Variants in PDE1C observed in about 807,000 individuals in gnomAD.
PDE1C encodes dual specificity calcium/calmodulin-dependent 3',5'-cyclic nucleotide phosphodiesterase 1C.
In PDE1C, 62 loss-of-function variants were observed where a neutral mutation model predicts 93.1. That is an observed-to-expected ratio of 0.67 (90% CI 0.54 to 0.82). PDE1C has a LOEUF of 0.82. Ranked by LOEUF, PDE1C falls within the 40% of genes least tolerant of loss-of-function variation. The pLI, the probability that PDE1C is intolerant of heterozygous loss-of-function variation, is 0.00. For missense variants in PDE1C, 742 were observed against 884.6 expected, an observed-to-expected ratio of 0.84 and a Z score of 2.04; for synonymous variants, 325 against 310.1, an observed-to-expected ratio of 1.05 and a Z score of -0.50.
intron 3 of PDE1C, among the ~76,000 whole-genome samples, chr7:32,161,999 G>A (rs1382608607): frequency 1.3e-5 from 2 of 152,182 alleles, no homozygotes; most frequent in East Asian, 1.9e-4. Flanking sequence ...GGGGGAGTCA[G>A]CCCTAGAGAC....
intron 16 of PDE1C, among the ~76,000 whole-genome samples, chr7:31,800,048 G>A (rs1467422489): frequency 6.6e-6 from 1 of 151,530 alleles, no homozygotes; most frequent in East Asian, 1.9e-4. Flanking sequence ...ATCTTTTAAT[G>A]TGCTTATTTG....
chr7:32,298,002 C>T (rs1562660212), intron 1 of PDE1C, among the ~76,000 whole-genome samples: 1 of 40,340 alleles, frequency 2.5e-5, no homozygotes, highest in Non-Finnish European at 4.5e-5. Context: ...TCTCTCCTCT[C>T]TCTCTCTCTC....
chr7:32,069,259 T>C (rs146965266), intron 1 of PDE1C, among the ~76,000 whole-genome samples: 95 of 152,372 alleles, frequency 6.2e-4, no homozygotes, highest in African/African-American at 2.1e-3. Context: ...TTTTTATTTG[T>C]CTTTTGTTTG....
intron 3 of PDE1C, among the ~76,000 whole-genome samples, chr7:32,146,152 C>T (rs548262580): frequency 1.2e-4 from 18 of 152,126 alleles, no homozygotes; most frequent in Non-Finnish European, 1.8e-4. Context: ...GACACCAGTG[C>T]CCTGTCATGG....
chr7:32,078,927 C>CAG (rs1796504336), intron 3 of PDE1C, among the ~76,000 whole-genome samples: 1 of 129,408 alleles, frequency 7.7e-6, no homozygotes, highest in African/African-American at 2.9e-5. Flanking sequence ...CTCACTCTCT[C>CAG]AAAAAAAAAA....
chr7:31,852,566 A>G (rs1463405398), intron 7 of PDE1C, among the ~76,000 whole-genome samples: 2 of 152,136 alleles, frequency 1.3e-5, no homozygotes, highest in Admixed American at 6.5e-5. Flanking sequence ...GTGCTTTTAT[A>G]TAGAAACTTA....
chr7:32,178,452 G>C (rs1260238881), intron 2 of PDE1C, among the ~76,000 whole-genome samples: 1 of 152,228 alleles, frequency 6.6e-6, no homozygotes, highest in Non-Finnish European at 1.5e-5. Flanking sequence ...ATTTTAAGCT[G>C]ATGTTGAAAG....
intron 3 of PDE1C, among the ~76,000 whole-genome samples, chr7:32,144,410 A>G (rs1425178722): frequency 6.6e-6 from 1 of 152,136 alleles, no homozygotes; most frequent in Non-Finnish European, 1.5e-5. Flanking sequence ...AAAACCACAG[A>G]TAGGTTTTGA....
At chr7:32,261,116 A>G (rs1185240257) in intron 1 of PDE1C, among the ~76,000 whole-genome samples, 2 of 152,158 alleles carry the variant, frequency 1.3e-5, no homozygotes, top group Non-Finnish European at 2.9e-5. Context: ...TCTCAGAAAA[A>G]AAAAAGAAAA....
intron 9 of PDE1C, among the ~76,000 whole-genome samples, chr7:31,839,297 AAT>A (rs1192474811): frequency 6.6e-6 from 1 of 150,872 alleles, no homozygotes; most frequent in Admixed American, 6.6e-5. Flanking sequence ...ACACATTGAA[AAT>A]ATACACACAT....
At chr7:32,000,811 C>A (rs1350967651) in intron 2 of PDE1C, among the ~76,000 whole-genome samples, 1 of 152,156 alleles carries the variant, frequency 6.6e-6, no homozygotes, top group Non-Finnish European at 1.5e-5. Flanking sequence ...TCCAATACAG[C>A]CCCCACACCA....
intron 2 of PDE1C, among the ~76,000 whole-genome samples, chr7:31,997,893 A>C (rs905674047): frequency 6.6e-6 from 1 of 152,258 alleles, no homozygotes; most frequent in Non-Finnish European, 1.5e-5. Flanking sequence ...GCACGGGAGC[A>C]TAATTTGAAC....
At chr7:32,001,310 A>G (rs190918605) in intron 2 of PDE1C, among the ~76,000 whole-genome samples, 229 of 152,350 alleles carry the variant, frequency 1.5e-3, no homozygotes, top group Middle Eastern at 3.4e-3. Flanking sequence ...AGTGAGTTTT[A>G]AAAATAAACA....
At chr7:31,647,659 G>C in the PDE1C span, among the ~76,000 whole-genome samples, 7 of 113,254 alleles carry the variant, frequency 6.2e-5, no homozygotes, top group East Asian at 2.0e-3. Context: ...GAGCAACAGA[G>C]AGAGTCTCCG....
intron 1 of PDE1C, among the ~76,000 whole-genome samples, chr7:32,320,274 T>A (rs898083480): frequency 2.0e-5 from 3 of 152,218 alleles, no homozygotes; most frequent in Non-Finnish European, 4.4e-5. Context: ...AAGGGTTTTC[T>A]ATCCTCTTGG....
intron 1 of PDE1C, among the ~76,000 whole-genome samples, chr7:32,420,831 A>G (rs1689151488): frequency 6.6e-6 from 1 of 152,170 alleles, no homozygotes; most frequent in African/African-American, 2.4e-5. Context: ...AGATTTGCTC[A>G]TTAGCTTCAA....
At chr7:32,128,360 G>C (rs1799707071) in intron 3 of PDE1C, among the ~76,000 whole-genome samples, 1 of 151,706 alleles carries the variant, frequency 6.6e-6, no homozygotes, top group African/African-American at 2.4e-5. Flanking sequence ...GATTTTCTCA[G>C]AATTCCTATA....
chr7:31,890,091 T>G (rs73690322), intron 2 of PDE1C, among the ~76,000 whole-genome samples: 1 of 152,178 alleles, frequency 6.6e-6, no homozygotes, highest in Non-Finnish European at 1.5e-5. Flanking sequence ...TGGGAAAGGA[T>G]GTTATTATGA....
intron 1 of PDE1C, among the ~76,000 whole-genome samples, chr7:32,362,418 C>A (rs768656433): frequency 5.3e-5 from 8 of 152,190 alleles, no homozygotes; most frequent in Non-Finnish European, 8.8e-5. Context: ...CTGTCTCTCT[C>A]AGTGGCTTTG....
Sources: allele counts gnomAD v4.1 joint callset (sites outside exome capture counted in the v4.1 genomes callset), GRCh38; gene constraint gnomAD v4.1.1; transcripts MANE v1.5; gene names NCBI Gene and HGNC (gene_info 2026-07-23, HGNC 2026-07-21).